OPCML: variants seen among roughly 807,000 people sequenced by gnomAD.
OPCML encodes the protein opioid-binding protein/cell adhesion molecule.
Under a neutral mutation model 37.8 loss-of-function variants are expected in OPCML, and 13 were observed. The observed-to-expected ratio is 0.34, with a 90% confidence interval of 0.22 to 0.55. The LOEUF is 0.55. Among genes scored for constraint, OPCML ranks in the 20% least tolerant of loss-of-function variants. The probability of loss-of-function intolerance (pLI) is 0.91; values close to 1 mark genes in which losing one functional copy is unlikely to be tolerated. For synonymous variants in OPCML, 176 were observed against 168.8 expected, an observed-to-expected ratio of 1.04 and a Z score of -0.33; for missense variants, 341 against 435.6, an observed-to-expected ratio of 0.78 and a Z score of 1.93.
At chr11:133,062,734 T>C (rs997283382) in intron 1 of OPCML, among the ~76,000 whole-genome samples, 3 of 152,238 alleles carry the variant, frequency 2.0e-5, no homozygotes, top group African/African-American at 7.2e-5. Flanking sequence ...TTCCATCTCC[T>C]GTTCCAGCTG....
At chr11:132,690,547 C>G (rs974161715) in intron 2 of OPCML, among the ~76,000 whole-genome samples, 8 of 152,124 alleles carry the variant, frequency 5.3e-5, no homozygotes, top group Non-Finnish European at 8.8e-5. Context: ...TCTCTGAGTA[C>G]CAGTCTTAAG....
At chr11:132,807,271 A>G (rs1939073587) in intron 2 of OPCML, among the ~76,000 whole-genome samples, 1 of 152,160 alleles carries the variant, frequency 6.6e-6, no homozygotes. Flanking sequence ...CAAAATCCCT[A>G]AAAAGAATAA....
chr11:133,421,842 C>G (rs1450072230), intron 1 of OPCML: 9 of 838,134 alleles, frequency 1.1e-5, no homozygotes. Context: ...CAAGCCATCC[C>G]TACTGTAACC....
intron 2 of OPCML, among the ~76,000 whole-genome samples, chr11:132,716,684 G>A (rs776298935): frequency 6.6e-5 from 10 of 152,154 alleles, no homozygotes; most frequent in Non-Finnish European, 1.3e-4. Context: ...AGAAGTAGAT[G>A]TAATTTCTAC....
At chr11:133,207,550 G>A (rs1424954790) in intron 1 of OPCML, among the ~76,000 whole-genome samples, 1 of 152,146 alleles carries the variant, frequency 6.6e-6, no homozygotes, top group Non-Finnish European at 1.5e-5. Flanking sequence ...CTGTCACTAA[G>A]CCTCACTTTT....
rs1200545176 is a variant in OPCML at position 132,469,893 on chromosome 11, T to A, written c.506-32534A>T. ...TGTGTATGTGTGGGAGGTGTGTGTG[T>A]GTAGGTATGTGTCTGTATATGTGTG... is the stretch of plus-strand genomic sequence containing the variant. On this transcript the variant is annotated intron_variant, in intron 4 of 7. Transcript: ENST00000524381. Among the ~76,000 whole-genome samples the A allele has an allele frequency of 2.2e-5, 3 of 134,950 alleles. No homozygotes were observed. In the East Asian group the frequency reaches 7.1e-4, roughly 32 times the overall value. The allele number at this position is 134,950 out of a possible 152,430, so 88.5% of individuals were successfully genotyped here. A position where few individuals can be genotyped will look rare whatever the true frequency, so the allele number is the denominator to read the frequency against.
chr11:132,435,137 G>A (rs1457107259), intron 7 of OPCML: 7 of 1,254,556 alleles, frequency 5.6e-6, no homozygotes, highest in Non-Finnish European at 7.3e-6. Context: ...GGCAGAGGTA[G>A]GAAGGAACAT....
chr11:132,780,766 AATT>A (rs1474945958), intron 2 of OPCML, among the ~76,000 whole-genome samples: 14 of 152,184 alleles, frequency 9.2e-5, no homozygotes, highest in African/African-American at 3.4e-4. Context: ...GGAGGGGCTG[AATT>A]ATTTCATTTA....
chr11:133,479,827 C>T (rs372364242), intron 1 of OPCML, among the ~76,000 whole-genome samples: 20 of 152,168 alleles, frequency 1.3e-4, no homozygotes, highest in African/African-American at 4.1e-4. Flanking sequence ...CCCCATTGTG[C>T]ACATTCTTGA....
chr11:133,305,657 C>T (rs772496053), intron 1 of OPCML, among the ~76,000 whole-genome samples: 32 of 152,164 alleles, frequency 2.1e-4, no homozygotes, highest in Non-Finnish European at 4.3e-4. Flanking sequence ...TCCCCTCCAC[C>T]CCATTTATGT....
At chr11:133,357,541 T>A (rs1244870772) in intron 1 of OPCML, among the ~76,000 whole-genome samples, 1 of 152,202 alleles carries the variant, frequency 6.6e-6, no homozygotes, top group Non-Finnish European at 1.5e-5. Flanking sequence ...CAGAGTACCA[T>A]CTTATCACTC....
chr11:132,480,300 A>G (rs1004206977), intron 4 of OPCML, among the ~76,000 whole-genome samples: 28 of 152,206 alleles, frequency 1.8e-4, no homozygotes, highest in Non-Finnish European at 4.4e-5. Flanking sequence ...GAAATGAAGC[A>G]AGAAGGGAAG....
intron 2 of OPCML, among the ~76,000 whole-genome samples, chr11:132,692,582 G>T (rs1302421578): frequency 6.6e-6 from 1 of 152,138 alleles, no homozygotes; most frequent in East Asian, 1.9e-4. Flanking sequence ...CCCAGGGGAG[G>T]TGCTTTCACT....
chr11:132,609,472 C>T (rs906658524), intron 3 of OPCML, among the ~76,000 whole-genome samples: 1 of 152,034 alleles, frequency 6.6e-6, no homozygotes, highest in African/African-American at 2.4e-5. Context: ...TACCCTCATG[C>T]TCTGCTTGGA....
rs1937627708 is a variant in OPCML, at chr11:133,177,667, C to T, written c.62-234657G>A. The stretch of plus-strand genomic sequence containing the variant: ...GCAATTCCCTCAAAGGGCAAGACTT[C>T]TCAGAAGCATCCAGTGAAATCGCAG... On this transcript the variant is annotated intron_variant, in intron 1 of 7. Coordinates refer to ENST00000524381, the MANE Select transcript of OPCML (RefSeq NM_001012393.5). This position sits in a 1 kb window ranked among gnomAD's most constrained non-coding sequence, Gnocchi z 5.0. Among the ~76,000 whole-genome samples the T allele has an allele frequency of 6.6e-6, 1 of 152,138 alleles. No homozygotes were observed. The highest frequency in any genetic ancestry group is 6.5e-5 in the Admixed American group (1 of 15,268).
At chr11:133,167,396 C>T (rs540172146) in intron 1 of OPCML, among the ~76,000 whole-genome samples, 2 of 152,270 alleles carry the variant, frequency 1.3e-5, no homozygotes, top group African/African-American at 4.8e-5. Flanking sequence ...ATTTTCTTGC[C>T]GAACTCCATT....
At chr11:133,364,616 C>A (rs757094642) in intron 1 of OPCML, among the ~76,000 whole-genome samples, 2 of 152,046 alleles carry the variant, frequency 1.3e-5, no homozygotes, top group Admixed American at 1.3e-4. Context: ...TAAAACAAAC[C>A]AAACTACTCA....
At chr11:133,488,692 AT>A (rs1371195445) in intron 1 of OPCML, among the ~76,000 whole-genome samples, 1 of 152,004 alleles carries the variant, frequency 6.6e-6, no homozygotes, top group Non-Finnish European at 1.5e-5. Context: ...CAAATTACCA[AT>A]GTCATTTTTC....
At position 132,891,322 on chromosome 11, in the gene OPCML, T is replaced by C. The variant is rs146277511; in HGVS notation, c.146+51604A>G. Among the ~76,000 whole-genome samples, 1,268 of 152,268 alleles carry C rather than the reference T, an allele frequency of 8.3e-3. 14 individuals are homozygous for C. Among genetic ancestry groups the C allele is most frequent in the African/African-American group, 0.029 (1,214 of 41,542 alleles). On this transcript the variant is annotated intron_variant, in intron 2 of 7. Coordinates refer to ENST00000524381, the MANE Select transcript of OPCML (RefSeq NM_001012393.5). ...AAGCTCATCCATCTGGTCAGAAAGA[T>C]TTTTTGAGACATCATAGCAAAAGTA...
Sources: gnomAD v4.1 joint callset for allele counts (sites outside exome capture counted in the v4.1 genomes callset) on GRCh38, gnomAD v4.1.1 for gene constraint, Gnocchi (gnomAD v3.1) non-coding constraint, MANE v1.5 for transcripts, NCBI Gene and HGNC (gene_info 2026-07-23, HGNC 2026-07-21) for gene names.